Variants in SORCS1 observed in about 807,000 individuals in gnomAD.
SORCS1 encodes VPS10 domain-containing receptor SorCS1.
Under a neutral mutation model 146.1 loss-of-function variants are expected in SORCS1, and 60 were observed. The observed-to-expected ratio is 0.41, with a 90% CI of 0.33 to 0.51. The LOEUF is 0.51. Ranked by LOEUF, SORCS1 falls within the 20% of genes least tolerant of loss-of-function variation. The probability of loss-of-function intolerance (pLI) is 0.21; values close to 1 mark genes in which losing one functional copy is unlikely to be tolerated. For synonymous variants in SORCS1, 637 were observed against 584.0 expected (o/e 1.09, Z -1.31); for missense variants, 1,352 against 1,487.6 (o/e 0.91, Z 1.50).
intron 1 of SORCS1, among the ~76,000 whole-genome samples, chr10:107,027,935 G>T (rs547482383): frequency 6.6e-6 from 1 of 152,204 alleles, no homozygotes; most frequent in South Asian, 2.1e-4. Context: ...TCTCTACCTG[G>T]TGTCTGGCAC....
chr10:106,761,566 T>C (rs1424369916), intron 5 of SORCS1, 22 bp downstream of exon 5: 2 of 1,606,332 alleles, frequency 1.2e-6, no homozygotes, highest in African/African-American at 1.3e-5. Flanking sequence ...CTTAATGTGC[T>C]ACAAGATAAA....
chr10:107,002,681 G>T (rs1272813972), intron 1 of SORCS1, among the ~76,000 whole-genome samples: 1 of 152,104 alleles, frequency 6.6e-6, no homozygotes, highest in Non-Finnish European at 1.5e-5. Context: ...GAAAATCCAG[G>T]CTGCATTCCA....
At chr10:106,804,854 T>C (rs1188759205) in intron 3 of SORCS1, among the ~76,000 whole-genome samples, 1 of 152,204 alleles carries the variant, frequency 6.6e-6, no homozygotes, top group Non-Finnish European at 1.5e-5. Flanking sequence ...TAAAGATAGA[T>C]AACCCATTAC....
chr10:107,006,599 C>A (rs992388057), intron 1 of SORCS1, among the ~76,000 whole-genome samples: 1 of 152,146 alleles, frequency 6.6e-6, no homozygotes, highest in African/African-American at 2.4e-5. Context: ...GGGCAGATCA[C>A]GAGGTCAGGA....
At chr10:106,864,762 T>G (rs143665269) in intron 2 of SORCS1, among the ~76,000 whole-genome samples, 2,123 of 152,320 alleles carry the variant, frequency 0.014, 19 homozygotes, top group Non-Finnish European at 0.023. Context: ...CCATATTGGC[T>G]GTGTGGCAGA....
Position 106,667,610 on chromosome 10 carries a change from A to G in SORCS1, c.2303+79T>C. 5 of 925,662 alleles carry G rather than the reference A, an allele frequency of 5.4e-6. No individual in the cohort carries two copies. The South Asian group carries it at 7.1e-5, about 13-fold the overall frequency. The allele number at this position is 925,662 out of a possible 1,614,324, so 57.3% of individuals were successfully genotyped here. ...AAGGAAATATGCTTGGTCCTTGATCAGAAGTAATTCTGTCAGTATAACACG... is the reference window on the plus strand; with the variant it reads ...AAGGAAATATGCTTGGTCCTTGATCGGAAGTAATTCTGTCAGTATAACACG... On this transcript the variant is annotated intron_variant, in intron 17 of 25. Coordinates refer to ENST00000263054, the MANE Select transcript of SORCS1 (RefSeq NM_052918.5).
At chr10:106,706,307 G>A (rs569446159) in intron 8 of SORCS1, among the ~76,000 whole-genome samples, 45 of 150,972 alleles carry the variant, frequency 3.0e-4, no homozygotes, top group African/African-American at 1.0e-3. Context: ...AAGAAAGAAA[G>A]AAGGAAAGAA....
At chr10:106,989,690 T>TTTTTTTTTTTTTTTTG (rs1956680929) in intron 1 of SORCS1, among the ~76,000 whole-genome samples, 2 of 140,260 alleles carry the variant, frequency 1.4e-5, no homozygotes, top group African/African-American at 5.7e-5. Context: ...GTTTTTTTTT[T>TTTTTTTTTTTTTTTTG]TTTTTTTTTT....
intron 6 of SORCS1, among the ~76,000 whole-genome samples, chr10:106,712,109 A>G (rs1855036165): frequency 6.6e-6 from 1 of 152,222 alleles, no homozygotes; most frequent in South Asian, 2.1e-4. Flanking sequence ...CACTGAGACA[A>G]TGAGTATTGC....
At chr10:107,082,620 T>A (rs956884949) in intron 1 of SORCS1, among the ~76,000 whole-genome samples, 2 of 152,100 alleles carry the variant, frequency 1.3e-5, no homozygotes, top group African/African-American at 4.8e-5. Context: ...TAGCTGGGAT[T>A]ACAGGTTTGT....
chr10:106,849,931 C>T (rs1589546871), intron 2 of SORCS1, among the ~76,000 whole-genome samples: 1 of 151,828 alleles, frequency 6.6e-6, no homozygotes, highest in African/African-American at 2.4e-5. Flanking sequence ...CTTGAGGAGG[C>T]AGTCTGCCCG....
chr10:107,113,307 A>T (rs1234848498), intron 1 of SORCS1, among the ~76,000 whole-genome samples: 1 of 152,220 alleles, frequency 6.6e-6, no homozygotes, highest in Non-Finnish European at 1.5e-5. Flanking sequence ...TTTGAGACAA[A>T]TGAAAATAAA....
chr10:106,947,532 T>C lies in SORCS1; in HGVS notation c.626+8981A>G, dbSNP rs533799805. 9.3e-4 allele frequency among the ~76,000 whole-genome samples: 141 copies of C among 152,304 alleles called. 1 individual carries two copies. Among genetic ancestry groups the C allele is most frequent in the African/African-American group, 3.3e-3 (139 of 41,572 alleles). On this transcript the variant is annotated intron_variant, in intron 2 of 25. Transcript: ENST00000263054. ...CATGCTACTAAATCTTTCTAAGTCT[T>C]ACTTCTCTCATCTAGAAACTGGAGC...
chr10:106,679,631 C>T lies in SORCS1; in HGVS notation c.1663+1G>A. ...GCCAGCAAACCAGGTAAGCTTCTTA[C>T]CTGATGCCACTATGATGCTTGGAGC... On this transcript the variant is annotated splice_donor_variant, in intron 11 of 25. Coordinates refer to ENST00000263054, the MANE Select transcript of SORCS1 (RefSeq NM_052918.5). LOFTEE classifies it high-confidence loss of function. 2.5e-6 allele frequency: 4 copies of T among 1,609,644 alleles called. No homozygotes were observed. The highest frequency in any genetic ancestry group is 1.3e-5 in the African/African-American group (1 of 74,958).
rs78599085 is a variant in SORCS1 at position 107,109,487 on chromosome 10, A to C, written c.558+54482T>G. On this transcript the variant is annotated intron_variant, in intron 1 of 25. Coordinates refer to ENST00000263054, the MANE Select transcript of SORCS1 (RefSeq NM_052918.5). ...CTGGGGCCCTCTGAGCCAAGGATGGAGCCAGAGGGGCTGGGATGTGGGGAG... is the reference window on the plus strand; with the variant it reads ...CTGGGGCCCTCTGAGCCAAGGATGGCGCCAGAGGGGCTGGGATGTGGGGAG... Among the ~76,000 whole-genome samples, 599 of 152,316 alleles carry C rather than the reference A, an allele frequency of 3.9e-3. 2 individuals are homozygous for C. The highest frequency in any genetic ancestry group is 7.5e-3 in the Non-Finnish European group (511 of 68,024).
intron 3 of SORCS1, among the ~76,000 whole-genome samples, chr10:106,800,385 C>A (rs1402721478): frequency 6.6e-6 from 1 of 151,894 alleles, no homozygotes; most frequent in Admixed American, 6.6e-5. Flanking sequence ...CTCTGTTTAA[C>A]AGAACATTTC....
intron 1 of SORCS1, among the ~76,000 whole-genome samples, chr10:107,140,288 G>C (rs879939743): frequency 5.9e-5 from 9 of 152,152 alleles, no homozygotes; most frequent in Non-Finnish European, 1.0e-4. Context: ...ACTGATTCCA[G>C]CAATACAGGG....
At chr10:107,057,601 CTGT>C (rs142234352) in intron 1 of SORCS1, among the ~76,000 whole-genome samples, 1,586 of 152,318 alleles carry the variant, frequency 0.01, 15 homozygotes, top group South Asian at 0.028. Flanking sequence ...CCTCTCTCTT[CTGT>C]TGTCCTCTCT....
intron 2 of SORCS1, among the ~76,000 whole-genome samples, chr10:106,912,321 A>G (rs1952206406): frequency 2.2e-5 from 1 of 45,164 alleles, no homozygotes; most frequent in African/African-American, 9.3e-5. Flanking sequence ...AAAACGAAGC[A>G]AAACACAATA....
Sources: allele counts gnomAD v4.1 joint callset (sites outside exome capture counted in the v4.1 genomes callset), GRCh38; gene constraint gnomAD v4.1.1; transcripts MANE v1.5; gene names NCBI Gene and HGNC (gene_info 2026-07-23, HGNC 2026-07-21).